The following DOCK3 variants were observed in gnomAD, a reference collection of about 807,000 sequenced individuals.
The protein encoded by DOCK3 is dedicator of cytokinesis 3.
A neutral mutation model predicts 265.6 loss-of-function variants in DOCK3; 60 were observed. The observed-to-expected ratio is 0.23, with a 90% confidence interval of 0.18 to 0.28. DOCK3 has a LOEUF of 0.28. Ranked by LOEUF, DOCK3 falls within the 10% of genes least tolerant of loss-of-function variation. The pLI is 1.00. For missense variants in DOCK3, 1,981 were observed against 2,594.3 expected, an observed-to-expected ratio of 0.76 and a Z score of 5.14; for synonymous variants, 881 against 938.0, an observed-to-expected ratio of 0.94 and a Z score of 1.11.
At chr3:51,157,601 G>C (rs2085914917) in intron 10 of DOCK3, among the ~76,000 whole-genome samples, 1 of 152,092 alleles carries the variant, frequency 6.6e-6, no homozygotes, top group Non-Finnish European at 1.5e-5. Context: ...CCATTTAATA[G>C]GGCGAGGCTG....
At chr3:50,753,170 T>C (rs1394487323) in intron 1 of DOCK3, among the ~76,000 whole-genome samples, 1 of 152,186 alleles carries the variant, frequency 6.6e-6, no homozygotes, top group Non-Finnish European at 1.5e-5. Flanking sequence ...AAGAATAGAA[T>C]CTTTTTTGAA....
At chr3:50,975,780 T>C (rs1402825862) in intron 5 of DOCK3, among the ~76,000 whole-genome samples, 1 of 152,000 alleles carries the variant, frequency 6.6e-6, no homozygotes, top group East Asian at 1.9e-4. Flanking sequence ...CCTGGACTCT[T>C]TTTGGTTGGT....
chr3:51,272,893 G>A (rs995912427), intron 24 of DOCK3, among the ~76,000 whole-genome samples: 31 of 152,022 alleles, frequency 2.0e-4, no homozygotes, highest in African/African-American at 6.3e-4. Context: ...GGCCGGGCAC[G>A]GTGGCTCACG....
At chr3:50,929,663 C>T (rs1305132495) in intron 4 of DOCK3, among the ~76,000 whole-genome samples, 1 of 152,034 alleles carries the variant, frequency 6.6e-6, no homozygotes, top group African/African-American at 2.4e-5. Context: ...TGCTACTACG[C>T]TGAGATATTT....
At chr3:51,237,618 G>T in intron 21 of DOCK3, 28 bp downstream of exon 21, 1 of 1,589,604 alleles carries the variant, frequency 6.3e-7, no homozygotes, top group Non-Finnish European at 8.6e-7. Flanking sequence ...TCATCATTAG[G>T]ACTCGTGTTT....
chr3:50,935,670 T>TAA (rs1342635014), intron 5 of DOCK3, among the ~76,000 whole-genome samples: 1 of 152,184 alleles, frequency 6.6e-6, no homozygotes, highest in Non-Finnish European at 1.5e-5. Context: ...CTTGCCCTGC[T>TAA]AAAATGAGGC....
At chr3:50,845,606 A>C (rs1445191203) in intron 3 of DOCK3, among the ~76,000 whole-genome samples, 1 of 152,202 alleles carries the variant, frequency 6.6e-6, no homozygotes, top group Admixed American at 6.5e-5. Context: ...TACGCCAAAG[A>C]AATCTAAGGA....
At chr3:50,713,533 TGTTC>T (rs1460606351) in intron 1 of DOCK3, among the ~76,000 whole-genome samples, 10 of 152,206 alleles carry the variant, frequency 6.6e-5, no homozygotes, top group Non-Finnish European at 7.3e-5. Context: ...GAGCTCCTCT[TGTTC>T]AAGAATTCAC....
At chr3:50,738,648 C>A (rs2038801922) in intron 1 of DOCK3, among the ~76,000 whole-genome samples, 1 of 152,142 alleles carries the variant, frequency 6.6e-6, no homozygotes, top group Non-Finnish European at 1.5e-5. Context: ...TATCCTTTTT[C>A]CTGTTACAGG....
chr3:50,902,970 G>T (rs555288017), intron 4 of DOCK3, among the ~76,000 whole-genome samples: 1 of 152,064 alleles, frequency 6.6e-6, no homozygotes, highest in African/African-American at 2.4e-5. Flanking sequence ...TTGGCCCTTT[G>T]CTTGCCTGTT....
rs768595687 is a variant in DOCK3, at chr3:51,208,110, A to T, written c.1038-664A>T. On this transcript the variant is annotated intron_variant, in intron 12 of 52. Transcript: ENST00000266037. ...GTTACTCCTCCATTATTTTGTCTCA[A>T]TCCCATAGTTCCAAGGAAGGAGCTT... 6.6e-5 allele frequency among the ~76,000 whole-genome samples: 10 copies of T among 152,150 alleles called. 1 individual carries two copies. The highest frequency in any genetic ancestry group is 6.3e-3 in the Middle Eastern group (2 of 316).
intron 10 of DOCK3, among the ~76,000 whole-genome samples, chr3:51,150,194 T>C (rs976050118): frequency 1.3e-5 from 2 of 152,150 alleles, no homozygotes; most frequent in African/African-American, 4.8e-5. Flanking sequence ...TATCCCCTTT[T>C]TCATTTTTTA....
chr3:51,235,333 G>C (rs138481733), intron 19 of DOCK3, among the ~76,000 whole-genome samples: 21 of 152,282 alleles, frequency 1.4e-4, no homozygotes, highest in Non-Finnish European at 2.6e-4. Context: ...TAAGAAGTCT[G>C]TTGTCTTTTC....
intron 5 of DOCK3, among the ~76,000 whole-genome samples, chr3:51,037,244 C>G (rs1405734062): frequency 6.6e-6 from 1 of 151,944 alleles, no homozygotes. Context: ...ATTAACAGTA[C>G]TTTAGAAGTC....
chr3:50,976,588 G>A (rs2077459939), intron 5 of DOCK3, among the ~76,000 whole-genome samples: 1 of 148,844 alleles, frequency 6.7e-6, no homozygotes, highest in African/African-American at 2.5e-5. Context: ...TGGAATAGGT[G>A]TGGTGTGGTG....
chr3:51,229,449 T>TAAA, intron 18 of DOCK3, 63 bp from the exon 19 acceptor site: 32 of 1,056,780 alleles, frequency 3.0e-5, no homozygotes, highest in South Asian at 6.2e-5. Context: ...AGACTCCGTC[T>TAAA]AAAAAAAAAA....
At chr3:50,894,118 T>A (rs1318271127) in intron 4 of DOCK3, among the ~76,000 whole-genome samples, 2 of 151,944 alleles carry the variant, frequency 1.3e-5, no homozygotes, top group Non-Finnish European at 2.9e-5. Flanking sequence ...ACCCTAGAAC[T>A]TAAAGTATAA....
chr3:51,199,455 T>C (rs940934407), intron 12 of DOCK3, among the ~76,000 whole-genome samples: 2 of 152,066 alleles, frequency 1.3e-5, no homozygotes, highest in African/African-American at 4.8e-5. Flanking sequence ...CAGTCTGAGA[T>C]CAAACTGCAA....
intron 12 of DOCK3, among the ~76,000 whole-genome samples, chr3:51,205,292 C>A (rs1168661385): frequency 6.6e-6 from 1 of 151,962 alleles, no homozygotes; most frequent in Non-Finnish European, 1.5e-5. Flanking sequence ...TTAATAACTA[C>A]ATCAGGTATA....
Sources: gnomAD v4.1 joint callset for allele counts (sites outside exome capture counted in the v4.1 genomes callset) on GRCh38, gnomAD v4.1.1 for gene constraint, MANE v1.5 for transcripts, NCBI Gene and HGNC (gene_info 2026-07-23, HGNC 2026-07-21) for gene names.